Variants in NEO1 observed in about 807,000 individuals in gnomAD.
NEO1 encodes neogenin 1.
In NEO1, 63 loss-of-function variants were observed where a neutral mutation model predicts 159.7. The ratio of observed to expected loss-of-function variants is 0.39; its 90% CI spans 0.32 to 0.49. The LOEUF (loss-of-function observed/expected upper bound fraction) is 0.49, where lower values mean the gene tolerates loss of function less well. NEO1 is among the 20% of genes least tolerant of loss of function. NEO1 has a pLI of 0.85. For synonymous variants in NEO1, 633 were observed against 662.0 expected (o/e 0.96, Z 0.67); for missense variants, 1,615 against 1,831.0 (o/e 0.88, Z 2.15).
intron 15 of NEO1, among the ~76,000 whole-genome samples, chr15:73,263,892 A>G (rs1211336645): frequency 6.6e-6 from 1 of 152,242 alleles, no homozygotes; most frequent in East Asian, 1.9e-4. Context: ...TGCTGGTAGA[A>G]TAAAAATGTC....
At chr15:73,300,790 A>G (rs1179994251) in intron 27 of NEO1, among the ~76,000 whole-genome samples, 1 of 152,236 alleles carries the variant, frequency 6.6e-6, no homozygotes, top group East Asian at 1.9e-4. Context: ...CATACTTTCC[A>G]TTTTGTCACA....
chr15:73,282,770 A>G (rs1250192843), intron 22 of NEO1, among the ~76,000 whole-genome samples, 194 bp from the exon 23 acceptor site: 1 of 152,248 alleles, frequency 6.6e-6, no homozygotes, highest in Non-Finnish European at 1.5e-5. Flanking sequence ...AGCACTGTTC[A>G]TAGGACAGAC....
At chr15:73,096,710 T>G (rs2070058621) in intron 1 of NEO1, among the ~76,000 whole-genome samples, 1 of 152,148 alleles carries the variant, frequency 6.6e-6, no homozygotes, top group African/African-American at 2.4e-5. Context: ...CAAGGGTGAC[T>G]TTGTGAGAGT....
Position 73,117,385 on chromosome 15 carries a change from G to A in NEO1, c.448+528G>A, listed in dbSNP as rs561384552. ...CCTTTTCAGAGTATCCTTATTTGAAGAATGATGGAAAGTGTAAGAAAAATT... is the reference window on the plus strand; with the variant it reads ...CCTTTTCAGAGTATCCTTATTTGAAAAATGATGGAAAGTGTAAGAAAAATT... On this transcript the variant is annotated intron_variant, in intron 2 of 28. Coordinates refer to ENST00000261908, the MANE Select transcript of NEO1 (RefSeq NM_002499.4). Among the ~76,000 whole-genome samples, 22 of 152,276 alleles carry A rather than the reference G, an allele frequency of 1.4e-4. No homozygotes were observed. The South Asian group carries it at 4.2e-3, about 29-fold the overall frequency.
At chr15:73,138,809 G>A (rs1471833716) in intron 5 of NEO1, among the ~76,000 whole-genome samples, 1 of 151,810 alleles carries the variant, frequency 6.6e-6, no homozygotes, top group Non-Finnish European at 1.5e-5. Context: ...TTTTAAAACA[G>A]CTCCCAGATT....
At chr15:73,181,101 C>G (rs1327821578) in intron 7 of NEO1, among the ~76,000 whole-genome samples, 1 of 152,026 alleles carries the variant, frequency 6.6e-6, no homozygotes, top group Non-Finnish European at 1.5e-5. Context: ...GTAAGGTGTC[C>G]CCTTTGTAAT....
intron 2 of NEO1, among the ~76,000 whole-genome samples, chr15:73,118,800 T>C (rs986792407): frequency 6.6e-6 from 1 of 152,254 alleles, no homozygotes; most frequent in Non-Finnish European, 1.5e-5. Context: ...ATAAAAGTTC[T>C]TTTAAATAGT....
intron 19 of NEO1, 128 bp from the exon 20 acceptor site, chr15:73,273,683 C>T: frequency 8.6e-6 from 6 of 701,402 alleles, no homozygotes; most frequent in South Asian, 2.1e-5. Flanking sequence ...AATTGTAGAC[C>T]CTTGAGGGTA....
intron 11 of NEO1, among the ~76,000 whole-genome samples, chr15:73,250,753 A>G (rs1341748268): frequency 6.6e-6 from 1 of 152,222 alleles, no homozygotes; most frequent in East Asian, 1.9e-4. Context: ...AAAGAAGAGT[A>G]AAGACACATG....
At chr15:73,209,711 G>T (rs953005969) in intron 7 of NEO1, among the ~76,000 whole-genome samples, 1 of 152,168 alleles carries the variant, frequency 6.6e-6, no homozygotes, top group Non-Finnish European at 1.5e-5. Flanking sequence ...AAGTAGCTTG[G>T]CCGGGCACGG....
chr15:73,159,892 T>C (rs1332334345), intron 5 of NEO1, among the ~76,000 whole-genome samples: 1 of 152,216 alleles, frequency 6.6e-6, no homozygotes, highest in Non-Finnish European at 1.5e-5. Flanking sequence ...ATCACCAATA[T>C]ATATAAGACT....
chr15:73,170,059 G>A (rs1005954673), intron 5 of NEO1, among the ~76,000 whole-genome samples: 10 of 152,006 alleles, frequency 6.6e-5, no homozygotes, highest in Admixed American at 6.6e-4. Context: ...AATGAAACAG[G>A]CGACTCCAAA....
chr15:73,222,751 G>A (rs921594449), intron 7 of NEO1, among the ~76,000 whole-genome samples: 1 of 151,958 alleles, frequency 6.6e-6, no homozygotes, highest in Admixed American at 6.5e-5. Context: ...TTTATCTTTT[G>A]TATTTTTTTG....
intron 5 of NEO1, among the ~76,000 whole-genome samples, chr15:73,153,777 C>T (rs76969681): frequency 1.3e-5 from 2 of 152,162 alleles, no homozygotes; most frequent in Non-Finnish European, 2.9e-5. Context: ...ATTTAGTTCT[C>T]TCTTGTAAAA....
rs756905990 is a variant in NEO1, at chr15:73,293,528, C to T, written c.3881C>T (p.Ser1294Leu). The T allele has an allele frequency of 6.8e-6, 11 of 1,614,076 alleles. No homozygotes were observed. In the African/African-American group the frequency reaches 1.5e-4, roughly 22 times the overall value. The change falls in exon 26 of 29, where the codon TCA becomes TTA. Residue 1294 changes from serine to leucine, a missense_variant. Coordinates refer to ENST00000261908, the MANE Select transcript of NEO1 (RefSeq NM_002499.4). ...PWPIGTSMSL[S>L]DRANSTESVR... is the part of the protein sequence containing the mutation. ...CCCATTGGCACATCCATGTCCCTTT[C>T]AGACAGGGCCAATTCCACAGGTGAG...
intron 25 of NEO1, 139 bp downstream of exon 25, chr15:73,289,377 A>G: frequency 2.8e-6 from 2 of 721,964 alleles, no homozygotes; most frequent in Admixed American, 2.3e-5. Context: ...TGAAGGAGGA[A>G]GTACCAAACA....
intron 8 of NEO1, among the ~76,000 whole-genome samples, chr15:73,239,192 A>G (rs1246937705): frequency 2.6e-5 from 4 of 152,184 alleles, no homozygotes; most frequent in Non-Finnish European, 5.9e-5. Flanking sequence ...TTAAGTTGAT[A>G]ATATCCAGTG....
intron 19 of NEO1, 91 bp downstream of exon 19, chr15:73,272,653 G>T: frequency 1.1e-6 from 1 of 901,004 alleles, no homozygotes; most frequent in South Asian, 1.5e-5. Context: ...GGAGAAGTGG[G>T]AGTCTGAAGG....
chr15:73,236,216 T>C lies in NEO1; in HGVS notation c.1292-131T>C, dbSNP rs1244915135. The C allele has an allele frequency of 3.1e-6, 4 of 1,277,778 alleles. No homozygotes were observed. The Admixed American group carries it at 9.6e-5, about 31-fold the overall frequency. 79.2% of individuals were successfully genotyped at this position (1,277,778 alleles called of 1,614,324 possible). A position where few individuals can be genotyped will look rare whatever the true frequency, so the allele number is the denominator to read the frequency against. On this transcript the variant is annotated intron_variant, in intron 7 of 28. Transcript: ENST00000261908. ...TTGTTTATTTCTTTTTTGTTTTTTG[T>C]TTTTTCTGTTCTCTTTTTTAAAACC...
Sources: allele counts gnomAD v4.1 joint callset (sites outside exome capture counted in the v4.1 genomes callset), GRCh38; gene constraint gnomAD v4.1.1; transcripts MANE v1.5; gene names NCBI Gene and HGNC (gene_info 2026-07-23, HGNC 2026-07-21).